Variants in NUP93 observed in about 807,000 individuals in gnomAD.
The protein encoded by NUP93 is nuclear pore complex protein Nup93.
A neutral mutation model predicts 107.8 loss-of-function variants in NUP93; 55 were observed. The ratio of observed to expected loss-of-function variants is 0.51; its 90% CI spans 0.41 to 0.64. The LOEUF is 0.64. Ranked by LOEUF, NUP93 falls within the 30% of genes least tolerant of loss-of-function variation. The probability of loss-of-function intolerance (pLI) is 0.00; values close to 1 mark genes in which losing one functional copy is unlikely to be tolerated. For missense variants in NUP93, 937 were observed against 1,044.7 expected, an observed-to-expected ratio of 0.90 and a Z score of 1.42; for synonymous variants, 390 against 397.5, an observed-to-expected ratio of 0.98 and a Z score of 0.22.
chr16:56,800,044 G>A (rs1962986912), intron 4 of NUP93, among the ~76,000 whole-genome samples: 1 of 152,142 alleles, frequency 6.6e-6, no homozygotes, highest in African/African-American at 2.4e-5. Flanking sequence ...TTAGCCAGGT[G>A]TGGTGGCGCA....
chr16:56,746,737 T>C (rs1277645071), intron 1 of NUP93, among the ~76,000 whole-genome samples: 1 of 152,182 alleles, frequency 6.6e-6, no homozygotes, highest in Admixed American at 6.5e-5. Context: ...CTACTAAAAA[T>C]ACAAAAAAGC....
In NUP93 at chr16:56,834,809, C is replaced by A; in HGVS notation, c.1782+31C>A. The A allele has an allele frequency of 3.9e-6, 6 of 1,524,950 alleles. No individual in the cohort carries two copies. In the South Asian group the frequency reaches 5.7e-5, roughly 15 times the overall value. The allele number at this position is 1,524,950 out of a possible 1,614,324, so 94.5% of individuals were successfully genotyped here. A position where few individuals can be genotyped will look rare whatever the true frequency, so the allele number is the denominator to read the frequency against. ...TTAAATGCATCCTTAGAGAAATGTT[C>A]GTTAGCCATTGGGGATTTATAAATA... On this transcript the variant is annotated intron_variant, in intron 16 of 21. Coordinates refer to ENST00000308159, the MANE Select transcript of NUP93 (RefSeq NM_014669.5).
At chr16:56,833,095 G>A (rs1963828781) in intron 12 of NUP93, 120 bp from the exon 13 acceptor site, 4 of 799,264 alleles carry the variant, frequency 5.0e-6, no homozygotes, top group South Asian at 1.7e-5. Context: ...ACTCAATCTG[G>A]TGCTTTCTTC....
intron 2 of NUP93, among the ~76,000 whole-genome samples, chr16:56,750,023 T>TA (rs1294057589): frequency 5.9e-5 from 9 of 152,360 alleles, no homozygotes; most frequent in Middle Eastern, 3.4e-3. Context: ...TATGCAAAGA[T>TA]ACTGCTGGAG....
At chr16:56,740,149 C>G (rs1260081436) in intron 1 of NUP93, among the ~76,000 whole-genome samples, 1 of 144,154 alleles carries the variant, frequency 6.9e-6, no homozygotes. Flanking sequence ...CCCTCCCGGA[C>G]GGGGTGGCTG....
chr16:56,838,535 G>T (rs1963957677), intron 18 of NUP93, among the ~76,000 whole-genome samples: 1 of 152,140 alleles, frequency 6.6e-6, no homozygotes, highest in South Asian at 2.1e-4. Context: ...CACCCAGAGA[G>T]CTCAGAAGGT....
chr16:56,819,989 C>G (rs543844017), intron 6 of NUP93, among the ~76,000 whole-genome samples: 1 of 152,156 alleles, frequency 6.6e-6, no homozygotes, highest in Non-Finnish European at 1.5e-5. Flanking sequence ...TTTACTCCCC[C>G]TGTGCATCTG....
At chr16:56,805,799 G>T (rs1215592663) in intron 5 of NUP93, 167 bp downstream of exon 5, 2 of 680,550 alleles carry the variant, frequency 2.9e-6, no homozygotes, top group African/African-American at 3.6e-5. Flanking sequence ...CCTCCAACAT[G>T]TCTGCCTGCT....
At chr16:56,800,158 G>A (rs1962989805) in intron 4 of NUP93, among the ~76,000 whole-genome samples, 1 of 152,204 alleles carries the variant, frequency 6.6e-6, no homozygotes, top group African/African-American at 2.4e-5. Flanking sequence ...ACTCCAGCCA[G>A]GGTGACAGAG....
rs1223049373 is a variant in NUP93 at position 56,847,762 on chromosome 16, G to GT, written c.*3153_*3154insT. ...TCACGAGCTGGGCGGGCTCATCAAA[G>GT]AGCAGGAAGTGCCCATTTTACACTG... is the stretch of plus-strand genomic sequence containing the variant. On this transcript the variant is annotated 3_prime_UTR_variant, in exon 22 of 22. Transcript: ENST00000308159. 1 of 152,200 alleles carries GT rather than the reference G, an allele frequency of 6.6e-6. No individual in the cohort carries two copies. The highest frequency in any genetic ancestry group is 1.5e-5 in the Non-Finnish European group (1 of 68,048). The allele number at this position is 152,200 out of a possible 1,614,324, so 9.4% of individuals were successfully genotyped here. A position where few individuals can be genotyped will look rare whatever the true frequency, so the allele number is the denominator to read the frequency against.
intron 1 of NUP93, 193 bp from the exon 2 acceptor site, chr16:56,748,041 A>G (rs1466441543): frequency 2.3e-6 from 1 of 438,100 alleles, no homozygotes; most frequent in African/African-American, 2.0e-5. Context: ...CTGTTTTTTC[A>G]CAGCCTGACT....
intron 3 of NUP93, among the ~76,000 whole-genome samples, chr16:56,788,306 T>C (rs1055845699): frequency 6.6e-6 from 1 of 152,142 alleles, no homozygotes; most frequent in African/African-American, 2.4e-5. Context: ...GGACACGGGC[T>C]CTGGCCTGAT....
intron 5 of NUP93, among the ~76,000 whole-genome samples, chr16:56,808,115 A>ATTATATAAATATAT (rs1963187867): frequency 8.1e-6 from 1 of 123,856 alleles, no homozygotes; most frequent in South Asian, 2.4e-4. Context: ...ATAAATATAT[A>ATTATATAAATATAT]TTATATAACT....
chr16:56,796,194 A>G (rs1183519312), intron 3 of NUP93, among the ~76,000 whole-genome samples: 1 of 152,248 alleles, frequency 6.6e-6, no homozygotes, highest in Non-Finnish European at 1.5e-5. Flanking sequence ...AATGTGCCAC[A>G]TAATGATGTT....
chr16:56,778,930 G>A (rs1962464298), intron 3 of NUP93, among the ~76,000 whole-genome samples: 1 of 152,200 alleles, frequency 6.6e-6, no homozygotes, highest in Non-Finnish European at 1.5e-5. Flanking sequence ...GAGGCAAAGG[G>A]CCAAGGTCTC....
At chr16:56,739,800 G>A (rs1230855843) in intron 1 of NUP93, among the ~76,000 whole-genome samples, 6 of 81,996 alleles carry the variant, frequency 7.3e-5, no homozygotes, top group Non-Finnish European at 9.7e-5. Flanking sequence ...GGGCGGCCGG[G>A]CAGAGGCGCC....
At chr16:56,761,584 C>T (rs1338711972) in intron 3 of NUP93, among the ~76,000 whole-genome samples, 3 of 150,006 alleles carry the variant, frequency 2.0e-5, no homozygotes, top group Non-Finnish European at 4.4e-5. Context: ...GGTGAGAATG[C>T]ACCCTAATTC....
intron 1 of NUP93, among the ~76,000 whole-genome samples, chr16:56,745,734 G>A (rs1178740167): frequency 7.2e-5 from 11 of 152,190 alleles, no homozygotes; most frequent in African/African-American, 2.4e-4. Flanking sequence ...AGGTTTTGTG[G>A]ATGAAAAGTT....
At chr16:56,818,819 A>G (rs2144604653) in intron 6 of NUP93, 81 bp downstream of exon 6, 1 of 1,197,232 alleles carries the variant, frequency 8.4e-7, no homozygotes, top group South Asian at 1.3e-5. Flanking sequence ...AAAACTTGTA[A>G]AAGTCAAACC....
Sources: gnomAD v4.1 joint callset for allele counts (sites outside exome capture counted in the v4.1 genomes callset) on GRCh38, gnomAD v4.1.1 for gene constraint, MANE v1.5 for transcripts, NCBI Gene and HGNC (gene_info 2026-07-23, HGNC 2026-07-21) for gene names.